ANTXR1: variants seen among roughly 807,000 people sequenced by gnomAD.
The protein encoded by ANTXR1 is anthrax toxin receptor 1.
In ANTXR1, 19 loss-of-function variants were observed where a neutral mutation model predicts 78.1. That is an observed-to-expected ratio of 0.24 (90% CI 0.17 to 0.36). ANTXR1 has a LOEUF of 0.36. ANTXR1 is among the 10% of genes least tolerant of loss of function. The probability of loss-of-function intolerance (pLI) is 1.00; values close to 1 mark genes in which losing one functional copy is unlikely to be tolerated. For missense variants in ANTXR1, 518 were observed against 718.6 expected (o/e 0.72, Z 3.19); for synonymous variants, 273 against 260.5 (o/e 1.05, Z -0.46).
At chr2:69,099,243 G>A (rs1323338218) in intron 9 of ANTXR1, among the ~76,000 whole-genome samples, 4 of 152,094 alleles carry the variant, frequency 2.6e-5, no homozygotes, top group Non-Finnish European at 5.9e-5. Context: ...CTTTTATTTA[G>A]CATAATGTTT....
intron 17 of ANTXR1, among the ~76,000 whole-genome samples, chr2:69,231,558 G>A (rs1302193442): frequency 6.6e-6 from 1 of 152,162 alleles, no homozygotes; most frequent in Non-Finnish European, 1.5e-5. Flanking sequence ...AAAACCTAAT[G>A]ACTTAAACTA....
chr2:69,072,969 G>A (rs2104215496), intron 5 of ANTXR1, 53 bp from the exon 6 acceptor site: 1 of 1,550,422 alleles, frequency 6.4e-7, no homozygotes, highest in Non-Finnish European at 8.9e-7. Context: ...CTGAGAGGGT[G>A]TTTCCTTGGG....
intron 9 of ANTXR1, among the ~76,000 whole-genome samples, chr2:69,101,561 T>G (rs1158491626): frequency 2.6e-5 from 4 of 152,222 alleles, no homozygotes; most frequent in African/African-American, 7.2e-5. Flanking sequence ...GCAATTAGCA[T>G]TAGTTATTAT....
At chr2:69,159,827 T>C (rs1024222956) in intron 13 of ANTXR1, among the ~76,000 whole-genome samples, 29 of 152,214 alleles carry the variant, frequency 1.9e-4, no homozygotes, top group Non-Finnish European at 3.7e-4. Flanking sequence ...TCAAGGATAG[T>C]TCAACAAATA....
chr2:69,158,335 T>C (rs1400684021), intron 13 of ANTXR1, among the ~76,000 whole-genome samples: 1 of 152,220 alleles, frequency 6.6e-6, no homozygotes, highest in Admixed American at 6.5e-5. Flanking sequence ...TTCTTTATGT[T>C]CTCTATACAA....
At chr2:69,117,613 C>T (rs1672191369) in intron 10 of ANTXR1, among the ~76,000 whole-genome samples, 1 of 152,166 alleles carries the variant, frequency 6.6e-6, no homozygotes, top group Admixed American at 6.5e-5. Context: ...GCATTTTGAA[C>T]ATTTTAATGT....
chr2:69,179,442 G>C (rs1674217971), intron 14 of ANTXR1, among the ~76,000 whole-genome samples: 1 of 151,454 alleles, frequency 6.6e-6, no homozygotes. Context: ...AGCTACTCAG[G>C]CAGGCTGAGG....
At chr2:69,221,718 C>T (rs1381966373) in intron 17 of ANTXR1, among the ~76,000 whole-genome samples, 1 of 151,670 alleles carries the variant, frequency 6.6e-6, no homozygotes, top group Non-Finnish European at 1.5e-5. Flanking sequence ...TGCATCACCT[C>T]AAAATAGGAG....
intron 13 of ANTXR1, among the ~76,000 whole-genome samples, chr2:69,153,815 G>A (rs950312972): frequency 6.6e-6 from 1 of 152,158 alleles, no homozygotes; most frequent in Non-Finnish European, 1.5e-5. Flanking sequence ...CTCTGGGTGA[G>A]GACAGCTAGG....
chr2:69,211,914 G>A (rs956191935), intron 17 of ANTXR1, among the ~76,000 whole-genome samples: 5 of 152,012 alleles, frequency 3.3e-5, no homozygotes, highest in Non-Finnish European at 4.4e-5. Flanking sequence ...CACCACCCCC[G>A]GCCCAAATTA....
Position 69,075,625 on chromosome 2 carries a change from C to T in ANTXR1, c.528C>T (p.Tyr176=), listed in dbSNP as rs1670705876. The T allele has an allele frequency of 6.2e-7, 1 of 1,614,112 alleles. No individual in the cohort carries two copies. Among genetic ancestry groups the T allele is most frequent in the Non-Finnish European group, 8.5e-7 (1 of 1,179,996 alleles). ...NRSRDLGAIV[Y]CVGVKDFNET... ...CTCGAGATCTTGGTGCAATTGTTTA[C>T]TGTGTTGGTGTGAAAGATTTCAATG... The change falls in exon 7 of 18, where the codon TAC becomes TAT. Residue 176 remains tyrosine (Y), a synonymous_variant. Transcript: ENST00000303714.
intron 13 of ANTXR1, among the ~76,000 whole-genome samples, chr2:69,152,745 G>A (rs529059235): frequency 3.9e-5 from 6 of 152,246 alleles, no homozygotes; most frequent in Admixed American, 3.9e-4. Context: ...ATGAAGAATG[G>A]CATTTACCTT....
At chr2:69,066,120 T>C (rs1027581384) in intron 3 of ANTXR1, among the ~76,000 whole-genome samples, 6 of 152,184 alleles carry the variant, frequency 3.9e-5, no homozygotes, top group African/African-American at 9.6e-5. Context: ...AGAGCTGATA[T>C]TGGGTTATTT....
intron 4 of ANTXR1, 141 bp from the exon 5 acceptor site, chr2:69,071,613 T>A (rs547632014): frequency 1.2e-6 from 1 of 816,398 alleles, no homozygotes; most frequent in Non-Finnish European, 2.1e-6. Flanking sequence ...CCACTGATAA[T>A]TGAGCAAAGC....
chr2:69,129,675 T>C (rs146658236), intron 12 of ANTXR1, among the ~76,000 whole-genome samples: 6,461 of 151,310 alleles, frequency 0.043, 464 homozygotes, highest in African/African-American at 0.15. Context: ...CGCTTGAACC[T>C]GGGAGGCAGA....
chr2:69,060,421 A>T (rs907073241), intron 3 of ANTXR1, among the ~76,000 whole-genome samples: 3 of 152,168 alleles, frequency 2.0e-5, no homozygotes, highest in Non-Finnish European at 4.4e-5. Context: ...TGGAAGAATG[A>T]GGTGACCTTG....
intron 3 of ANTXR1, among the ~76,000 whole-genome samples, chr2:69,065,200 C>T (rs1013852011): frequency 2.6e-5 from 4 of 151,846 alleles, no homozygotes; most frequent in Admixed American, 6.6e-5. Context: ...CCGAGGCGGG[C>T]GGATCACAAG....
chr2:69,223,762 TAAGAG>T (rs1675378414), intron 17 of ANTXR1, among the ~76,000 whole-genome samples: 2 of 152,212 alleles, frequency 1.3e-5, no homozygotes, highest in Non-Finnish European at 2.9e-5. Flanking sequence ...ACTGAGGTGT[TAAGAG>T]AAAGAATATC....
At chr2:69,047,263 T>A (rs1471408911) in intron 3 of ANTXR1, among the ~76,000 whole-genome samples, 1 of 152,122 alleles carries the variant, frequency 6.6e-6, no homozygotes, top group African/African-American at 2.4e-5. Context: ...GGTAAAGCTA[T>A]GAGAAGATGA....
Sources: gnomAD v4.1 joint callset for allele counts (sites outside exome capture counted in the v4.1 genomes callset) on GRCh38, gnomAD v4.1.1 for gene constraint, MANE v1.5 for transcripts, NCBI Gene and HGNC (gene_info 2026-07-23, HGNC 2026-07-21) for gene names.